The following CRYBG1 variants were observed in gnomAD, a reference collection of about 807,000 sequenced individuals.
CRYBG1 encodes beta/gamma crystallin domain-containing protein 1.
A neutral mutation model predicts 189.2 loss-of-function variants in CRYBG1; 139 were observed. That is an observed-to-expected ratio of 0.73 (90% CI 0.64 to 0.85). The LOEUF is 0.85. Among genes scored for constraint, CRYBG1 ranks in the 40% least tolerant of loss-of-function variants. The pLI, the probability that CRYBG1 is intolerant of heterozygous loss-of-function variation, is 0.00. For synonymous variants in CRYBG1, 1,023 were observed against 1,017.1 expected (o/e 1.01, Z -0.11); for missense variants, 2,611 against 2,675.8 (o/e 0.98, Z 0.53).
chr6:106,479,165 C>T (rs758348849), intron 2 of CRYBG1, among the ~76,000 whole-genome samples: 12 of 152,138 alleles, frequency 7.9e-5, no homozygotes, highest in East Asian at 7.7e-4. Flanking sequence ...AATTCTGCTA[C>T]GAACATTTAT....
chr6:106,498,401 G>A (rs1175879309), intron 2 of CRYBG1, among the ~76,000 whole-genome samples: 2 of 152,030 alleles, frequency 1.3e-5, no homozygotes, highest in Non-Finnish European at 2.9e-5. Context: ...GACACAATCC[G>A]GAACGCCATA....
intron 1 of CRYBG1, among the ~76,000 whole-genome samples, chr6:106,361,484 T>C (rs1047283190): frequency 6.6e-6 from 1 of 152,168 alleles, no homozygotes; most frequent in African/African-American, 2.4e-5. Flanking sequence ...TAAAGCTCTT[T>C]ATTGTGAATA....
chr6:106,489,313 A>G (rs186560445), intron 2 of CRYBG1, among the ~76,000 whole-genome samples: 122 of 152,054 alleles, frequency 8.0e-4, no homozygotes, highest in African/African-American at 2.7e-3. Context: ...TCTTTGGGTT[A>G]GGGGGATGAA....
At chr6:106,437,018 G>A (rs944263239) in intron 1 of CRYBG1, among the ~76,000 whole-genome samples, 24 of 152,160 alleles carry the variant, frequency 1.6e-4, no homozygotes, top group Admixed American at 1.3e-4. Context: ...TACTTGGGAG[G>A]CTGAGGCACA....
intron 8 of CRYBG1, among the ~76,000 whole-genome samples, chr6:106,530,516 G>A (rs935199463): frequency 5.8e-5 from 8 of 137,436 alleles, no homozygotes; most frequent in South Asian, 2.6e-4. Context: ...AAACAGTATC[G>A]ATTTATTATA....
At chr6:106,551,367 G>A (rs1283933760) in intron 13 of CRYBG1, among the ~76,000 whole-genome samples, 8 of 152,168 alleles carry the variant, frequency 5.3e-5, no homozygotes, top group Admixed American at 5.2e-4. Context: ...TGGCTGTATA[G>A]TATTCCATGG....
In CRYBG1 at chr6:106,552,209, G is replaced by T. The variant is rs767966320; in HGVS notation, c.5465G>T (p.Arg1822Leu). ...CLDSFTGPRR[R>L]NQIHLFSEPQ... Reference sequence around the variant, plus strand: ...GATTCTTTCACTGGCCCAAGGAGACGAAATCAGGTAACTTTAAAAATATTC... The same window carrying T: ...GATTCTTTCACTGGCCCAAGGAGACTAAATCAGGTAACTTTAAAAATATTC... Residue 1822 changes from arginine (R) to leucine (L), a missense_variant, in exon 15 of 22, where the codon CGA (arginine) becomes CTA (leucine). Physicochemically the swap from Arg to Leu is moderately radical, Grantham distance 102. Coordinates refer to ENST00000633556, the MANE Select transcript of CRYBG1 (RefSeq NM_001371242.2). 1 of 1,567,584 alleles carries T rather than the reference G, an allele frequency of 6.4e-7. No individual in the cohort carries two copies. Among genetic ancestry groups the T allele is most frequent in the African/African-American group, 1.4e-5 (1 of 72,926 alleles).
intron 4 of CRYBG1, among the ~76,000 whole-genome samples, chr6:106,523,078 T>C (rs1485264080): frequency 6.6e-6 from 1 of 152,186 alleles, no homozygotes; most frequent in Non-Finnish European, 1.5e-5. Flanking sequence ...AGCAACGATG[T>C]CATCACACAT....
chr6:106,393,160 T>C (rs1193004833), intron 1 of CRYBG1, among the ~76,000 whole-genome samples: 1 of 152,230 alleles, frequency 6.6e-6, no homozygotes, highest in East Asian at 1.9e-4. Context: ...TAGAACATGC[T>C]GTTGGTTTCT....
At chr6:106,379,254 CTTTCTTTTCT>C (rs1296097116) in intron 1 of CRYBG1, among the ~76,000 whole-genome samples, 1 of 151,548 alleles carries the variant, frequency 6.6e-6, no homozygotes, top group African/African-American at 2.4e-5. Flanking sequence ...CTTTGTTTTC[CTTTCTTTTCT>C]TTTCTTTTTT....
At chr6:106,457,633 G>T (rs987120541) in intron 2 of CRYBG1, among the ~76,000 whole-genome samples, 1 of 152,204 alleles carries the variant, frequency 6.6e-6, no homozygotes, top group Admixed American at 6.5e-5. Context: ...GCCATCTGGT[G>T]TGATTAGAGA....
At position 106,530,328 on chromosome 6, in the gene CRYBG1, T is replaced by A. The variant is rs1429166871; in HGVS notation, c.4718+13T>A. The A allele has an allele frequency of 6.3e-7, 1 of 1,592,170 alleles. No individual in the cohort carries two copies. Among genetic ancestry groups the A allele is most frequent in the African/African-American group, 1.4e-5 (1 of 73,476 alleles). The stretch of plus-strand genomic sequence containing the variant: ...TACATTGGGGCACGTAAGTATTTTT[T>A]TTTCAAACAAATTTTAATGAAGTTT... On this transcript the variant is annotated intron_variant, in intron 8 of 21. Transcript: ENST00000633556.
chr6:106,382,381 T>TA (rs1274275916), intron 1 of CRYBG1, among the ~76,000 whole-genome samples: 4 of 152,190 alleles, frequency 2.6e-5, no homozygotes, highest in Non-Finnish European at 4.4e-5. Context: ...TATTAGGAGA[T>TA]ACAGAAATTT....
intron 2 of CRYBG1, among the ~76,000 whole-genome samples, chr6:106,501,060 C>G (rs1248861765): frequency 6.6e-6 from 1 of 152,082 alleles, no homozygotes; most frequent in Non-Finnish European, 1.5e-5. Flanking sequence ...CCTATTGGTA[C>G]CAAGCATTGA....
chr6:106,554,819 C>T (rs1027095516), intron 16 of CRYBG1, among the ~76,000 whole-genome samples: 5 of 152,076 alleles, frequency 3.3e-5, no homozygotes, highest in African/African-American at 2.4e-5. Flanking sequence ...GTATCCCCAG[C>T]AATAGAAAAG....
intron 15 of CRYBG1, 95 bp from the exon 16 acceptor site, chr6:106,553,360 G>C (rs1361507013): frequency 1.3e-6 from 1 of 753,490 alleles, no homozygotes; most frequent in Admixed American, 2.5e-5. Flanking sequence ...TGTAACAAAA[G>C]TCAGCAGGTC....
rs995253089 is a variant in CRYBG1 at position 106,540,696 on chromosome 6, T to A, written c.4846-890T>A. ...TCAGCCACATTCCTTTTTCCTTTTT[T>A]TTTTTGCTTGTTTTTTCATAAAAGT... On this transcript the variant is annotated intron_variant, in intron 9 of 21. Coordinates refer to ENST00000633556, the MANE Select transcript of CRYBG1 (RefSeq NM_001371242.2). Among the ~76,000 whole-genome samples the A allele has an allele frequency of 4.7e-4, 71 of 152,258 alleles. 1 individual carries two copies. The highest frequency in any genetic ancestry group is 1.6e-3 in the African/African-American group (65 of 41,560).
intron 2 of CRYBG1, among the ~76,000 whole-genome samples, chr6:106,453,486 T>A (rs748335890): frequency 2.0e-5 from 3 of 152,252 alleles, no homozygotes; most frequent in Non-Finnish European, 2.9e-5. Flanking sequence ...TTCTTTTCTC[T>A]TTATAAGAAA....
At chr6:106,469,417 T>C (rs1169726471) in intron 2 of CRYBG1, among the ~76,000 whole-genome samples, 1 of 152,246 alleles carries the variant, frequency 6.6e-6, no homozygotes, top group Non-Finnish European at 1.5e-5. Context: ...CTTTTGTTCA[T>C]TGCTTTATCC....
Sources: gnomAD v4.1 joint callset for allele counts (sites outside exome capture counted in the v4.1 genomes callset) on GRCh38, gnomAD v4.1.1 for gene constraint, MANE v1.5 for transcripts, NCBI Gene and HGNC (gene_info 2026-07-23, HGNC 2026-07-21) for gene names.